Variants in HMBOX1 observed in about 807,000 individuals in gnomAD.
The protein encoded by HMBOX1 is homeobox-containing protein 1.
A neutral mutation model predicts 54.5 loss-of-function variants in HMBOX1; 14 were observed. That is an observed-to-expected ratio of 0.26 (90% CI 0.17 to 0.40). The LOEUF is 0.40. Among genes scored for constraint, HMBOX1 ranks in the 10% least tolerant of loss-of-function variants. HMBOX1 has a pLI of 1.00. For missense variants in HMBOX1, 332 were observed against 514.4 expected (o/e 0.65, Z 3.43); for synonymous variants, 160 against 181.0 (o/e 0.88, Z 0.93).
chr8:28,965,268 T>C (rs1014330423), intron 2 of HMBOX1, among the ~76,000 whole-genome samples: 3 of 152,256 alleles, frequency 2.0e-5, no homozygotes, highest in Non-Finnish European at 4.4e-5. Context: ...ACCTAACTTA[T>C]ATCTCCCTTT....
At chr8:29,013,376 C>T (rs1015308177) in intron 5 of HMBOX1, among the ~76,000 whole-genome samples, 2 of 152,192 alleles carry the variant, frequency 1.3e-5, no homozygotes, top group East Asian at 3.8e-4. Context: ...CCTCGTGATC[C>T]ACCCACCTCG....
At chr8:28,971,772 G>A (rs566579561) in intron 3 of HMBOX1, among the ~76,000 whole-genome samples, 1 of 152,156 alleles carries the variant, frequency 6.6e-6, no homozygotes, top group African/African-American at 2.4e-5. Flanking sequence ...TTGGAATTGA[G>A]GAGTTTTGTA....
intron 1 of HMBOX1, among the ~76,000 whole-genome samples, chr8:28,937,775 G>A (rs1820656898): frequency 2.0e-5 from 3 of 152,178 alleles, no homozygotes; most frequent in African/African-American, 7.2e-5. Context: ...TTTCTTGAAG[G>A]TAATTTATGG....
At position 29,051,336 on chromosome 8, in the gene HMBOX1, G is replaced by GTATT; in HGVS notation, c.*182_*185dup. 1.5e-6 allele frequency: 1 copy of GTATT among 657,126 alleles called. No homozygotes were observed. Among genetic ancestry groups the GTATT allele is most frequent in the South Asian group, 1.8e-5 (1 of 54,238 alleles). 40.7% of individuals were successfully genotyped at this position (657,126 alleles called of 1,614,324 possible). A position where few individuals can be genotyped will look rare whatever the true frequency, so the allele number is the denominator to read the frequency against. On this transcript the variant is annotated 3_prime_UTR_variant, in exon 10 of 10. Coordinates refer to ENST00000287701, the MANE Select transcript of HMBOX1 (RefSeq NM_001135726.3). The stretch of plus-strand genomic sequence containing the variant: ...CTCAGCCTTTGCATATACTCTCTCA[G>GTATT]TATTAACTCCCAGTAAATAATAACC...
chr8:28,913,576 A>T (rs1472883007), intron 1 of HMBOX1, among the ~76,000 whole-genome samples: 4 of 152,194 alleles, frequency 2.6e-5, no homozygotes, highest in Non-Finnish European at 5.9e-5. Flanking sequence ...CCTATAGTAC[A>T]CATTACAACT....
At chr8:28,987,955 A>G (rs1056457136) in intron 4 of HMBOX1, among the ~76,000 whole-genome samples, 2 of 152,202 alleles carry the variant, frequency 1.3e-5, no homozygotes, top group Non-Finnish European at 2.9e-5. Flanking sequence ...TATTAAGATA[A>G]AATTTACATA....
intron 4 of HMBOX1, among the ~76,000 whole-genome samples, chr8:28,987,919 G>GT (rs373144299): frequency 6.6e-6 from 1 of 152,096 alleles, no homozygotes; most frequent in Non-Finnish European, 1.5e-5. Context: ...GGGGAAATTT[G>GT]TTTTTTCCTT....
intron 1 of HMBOX1, among the ~76,000 whole-genome samples, chr8:28,945,482 G>T (rs945258094): frequency 2.0e-4 from 31 of 152,226 alleles, no homozygotes; most frequent in Admixed American, 2.0e-3. Flanking sequence ...AAGGTAGGGA[G>T]AGTGGTTGAA....
intron 6 of HMBOX1, among the ~76,000 whole-genome samples, chr8:29,032,908 AT>A (rs1420911348): frequency 2.6e-5 from 4 of 151,464 alleles, no homozygotes; most frequent in Non-Finnish European, 5.9e-5. Flanking sequence ...AGGCATTCAA[AT>A]CAATTCGATG....
chr8:28,890,300 T>G (rs2131433139), upstream of HMBOX1: 1 of 174,776 alleles, frequency 5.7e-6, no homozygotes, highest in South Asian at 1.1e-4. Flanking sequence ...GTAGTTCCCT[T>G]GGCCCTCTAG....
chr8:28,980,838 G>A (rs982494728), intron 4 of HMBOX1, among the ~76,000 whole-genome samples: 1 of 151,932 alleles, frequency 6.6e-6, no homozygotes, highest in African/African-American at 2.4e-5. Flanking sequence ...AAGTAACTGG[G>A]CATTAGTCGT....
intron 5 of HMBOX1, among the ~76,000 whole-genome samples, chr8:29,011,608 C>G (rs1834230768): frequency 6.6e-6 from 1 of 152,170 alleles, no homozygotes; most frequent in African/African-American, 2.4e-5. Context: ...AGGTGCAGCT[C>G]TAGGGCCACA....
chr8:28,934,926 CAAA>C (rs71551611), intron 1 of HMBOX1, among the ~76,000 whole-genome samples: 31 of 110,784 alleles, frequency 2.8e-4, no homozygotes, highest in African/African-American at 1.1e-3. Context: ...GACTCCGTCT[CAAA>C]AAAAAAAAAA....
At chr8:28,950,017 C>T (rs960984017) in intron 1 of HMBOX1, 7 of 152,092 alleles carry the variant, frequency 4.6e-5, no homozygotes, top group African/African-American at 1.7e-4. Context: ...TATATGAATT[C>T]CTTTGAAGTA....
At chr8:28,963,966 C>A in intron 2 of HMBOX1, 76 bp downstream of exon 2, 2 of 1,152,726 alleles carry the variant, frequency 1.7e-6, no homozygotes, top group South Asian at 2.7e-5. Context: ...TGATTATGAT[C>A]CAGATTTGAC....
intron 4 of HMBOX1, among the ~76,000 whole-genome samples, chr8:28,982,418 C>T (rs752829304): frequency 6.6e-6 from 1 of 151,790 alleles, no homozygotes; most frequent in Non-Finnish European, 1.5e-5. Flanking sequence ...GATGCCATCC[C>T]GTTTTTATTT....
chr8:28,905,349 A>G (rs1814100737), intron 1 of HMBOX1, among the ~76,000 whole-genome samples: 1 of 152,120 alleles, frequency 6.6e-6, no homozygotes, highest in South Asian at 2.1e-4. Flanking sequence ...GCGCACACAC[A>G]CGCACGCACA....
intron 4 of HMBOX1, among the ~76,000 whole-genome samples, chr8:28,995,236 TC>T (rs1831622850): frequency 1.3e-5 from 2 of 152,170 alleles, no homozygotes; most frequent in Admixed American, 6.5e-5. Context: ...CAGACAAACT[TC>T]CGGACATTTC....
intron 1 of HMBOX1, among the ~76,000 whole-genome samples, chr8:28,932,706 A>G (rs766068091): frequency 6.6e-6 from 1 of 152,080 alleles, no homozygotes; most frequent in Admixed American, 6.6e-5. Context: ...AGAATTTACT[A>G]TTTCTTATGA....
Sources: allele counts gnomAD v4.1 joint callset (sites outside exome capture counted in the v4.1 genomes callset), GRCh38; gene constraint gnomAD v4.1.1; transcripts MANE v1.5; gene names NCBI Gene and HGNC (gene_info 2026-07-23, HGNC 2026-07-21).